The following B4GALT4 variants were observed in gnomAD, a reference collection of about 807,000 sequenced individuals.
B4GALT4 encodes beta-1,4-galactosyltransferase 4, also known as N-acetyllactosamine synthase.
Under a neutral mutation model 37.3 loss-of-function variants are expected in B4GALT4, and 27 were observed. The ratio of observed to expected loss-of-function variants is 0.72; its 90% CI spans 0.53 to 1.00. B4GALT4 has a LOEUF of 1.00. B4GALT4 is among the 50% of genes least tolerant of loss of function. B4GALT4 has a pLI of 0.00. For missense variants in B4GALT4, 372 were observed against 413.1 expected (o/e 0.90, Z 0.86); for synonymous variants, 148 against 154.1 (o/e 0.96, Z 0.29).
Position 119,226,976 on chromosome 3 carries a change from T to G in B4GALT4, c.319A>C (p.Lys107Gln). The G allele has an allele frequency of 6.2e-7, 1 of 1,614,204 alleles. No individual in the cohort carries two copies. The highest frequency in any genetic ancestry group is 1.1e-5 in the South Asian group (1 of 91,082). Residue 107 changes from lysine (K) to glutamine (Q), a missense_variant, in exon 4 of 8, where the codon AAA becomes CAA. Coordinates refer to ENST00000393765, the MANE Select transcript of B4GALT4 (RefSeq NM_003778.4). Reference sequence around the variant, plus strand: ...GGGCGATACCGGCCTCTGGACACTTTGGGATTTTCTGCCTGTACCTCTTCC... The same window carrying G: ...GGGCGATACCGGCCTCTGGACACTTGGGGATTTTCTGCCTGTACCTCTTCC... Reference protein sequence around the residue: ...TLEEVQAENPKVSRGRYRPQE... With the variant: ...TLEEVQAENPQVSRGRYRPQE...
In B4GALT4 at chr3:119,212,456, G is replaced by T; in HGVS notation, c.*93C>A. 1 of 1,294,214 alleles carries T rather than the reference G, an allele frequency of 7.7e-7. No homozygotes were observed. Among genetic ancestry groups the T allele is most frequent in the Non-Finnish European group, 1.1e-6 (1 of 937,168 alleles). The allele number at this position is 1,294,214 out of a possible 1,614,324, so 80.2% of individuals were successfully genotyped here. On this transcript the variant is annotated 3_prime_UTR_variant, in exon 8 of 8. Transcript: ENST00000393765. ...TTCAGCTCAACAATGAGCTGTAACA[G>T]GTTCTTAATGTGTGCTACTATTTGA...
intron 7 of B4GALT4, 137 bp from the exon 8 acceptor site, chr3:119,212,818 G>T: frequency 1.1e-6 from 1 of 870,860 alleles, no homozygotes; most frequent in Non-Finnish European, 1.7e-6. Flanking sequence ...TACAAAGTTT[G>T]TTTGCCCCAT....
Position 119,216,098 on chromosome 3 carries a change from C to A in B4GALT4, c.902+142G>T, listed in dbSNP as rs980913332. The A allele has an allele frequency of 5.4e-6, 3 of 554,314 alleles. No homozygotes were observed. The African/African-American group carries it at 5.8e-5, about 11-fold the overall frequency. The allele number at this position is 554,314 out of a possible 1,614,324, so 34.3% of individuals were successfully genotyped here. Reference sequence around the variant, plus strand: ...AGGGTTCAGTGCACCACTTTCTCTCCTTTTGTGTCTGTTTGAAAATTTGCT... The same window carrying A: ...AGGGTTCAGTGCACCACTTTCTCTCATTTTGTGTCTGTTTGAAAATTTGCT... On this transcript the variant is annotated intron_variant, in intron 7 of 7. Transcript: ENST00000393765.
chr3:119,218,735 G>T lies in B4GALT4; in HGVS notation c.712C>A (p.Leu238Ile). 2 of 1,614,126 alleles carry T rather than the reference G, an allele frequency of 1.2e-6. No homozygotes were observed. Among genetic ancestry groups the T allele is most frequent in the Non-Finnish European group, 1.7e-6 (2 of 1,179,998 alleles). ...YSGYFGGVTA[L>I]SREQFFKVNG... ...ACCTTGAAAAACTGCTCTCTGCTTA[G>T]GGCAGTAACACCCCCAAAATATCCA... The change falls in exon 6 of 8, where the codon CTA becomes ATA. Residue 238 changes from leucine (L) to isoleucine (I), a missense_variant. Coordinates refer to ENST00000393765, the MANE Select transcript of B4GALT4 (RefSeq NM_003778.4).
chr3:119,226,591 C>T, intron 4 of B4GALT4: 1 of 555,690 alleles, frequency 1.8e-6, no homozygotes, highest in Non-Finnish European at 3.2e-6. Flanking sequence ...CCAGAGGTTC[C>T]TTTAAGGGCA....
Position 119,218,749 on chromosome 3 carries a change from C to G in B4GALT4, c.698G>C (p.Gly233Ala). ...CTCTCTGCTTAGGGCAGTAACACCCCCAAAATATCCACTGTAACGTAACCT... is the reference window on the plus strand; with the variant it reads ...CTCTCTGCTTAGGGCAGTAACACCCGCAAAATATCCACTGTAACGTAACCT... ...GYRLRYSGYF[G>A]GVTALSREQF... Residue 233 changes from glycine (G) to alanine (A), a missense_variant, in exon 6 of 8, where the codon GGG becomes GCG. Gly to Ala is a moderately conservative substitution (Grantham distance 60, BLOSUM62 0). Transcript: ENST00000393765. 1 of 1,614,086 alleles carries G rather than the reference C, an allele frequency of 6.2e-7. No individual in the cohort carries two copies. The highest frequency in any genetic ancestry group is 8.5e-7 in the Non-Finnish European group (1 of 1,179,986).
chr3:119,227,134 C>T (rs1476101853), intron 3 of B4GALT4, 93 bp from the exon 4 acceptor site: 6 of 1,069,128 alleles, frequency 5.6e-6, no homozygotes, highest in Non-Finnish European at 6.9e-6. Context: ...GAACACTGCC[C>T]AGCTCACAGT....
At chr3:119,228,603 A>G (rs959447281) in intron 3 of B4GALT4, among the ~76,000 whole-genome samples, 1 of 152,246 alleles carries the variant, frequency 6.6e-6, no homozygotes, top group South Asian at 2.1e-4. Flanking sequence ...ACAATCAGGA[A>G]TAACACTTTG....
At chr3:119,230,637 C>A (rs564857222) in intron 2 of B4GALT4, among the ~76,000 whole-genome samples, 9 of 152,116 alleles carry the variant, frequency 5.9e-5, no homozygotes, top group Non-Finnish European at 1.3e-4. Flanking sequence ...AAATGTGAAG[C>A]CTTGTTACAG....
chr3:119,221,584 C>T (rs1193611923), intron 5 of B4GALT4, among the ~76,000 whole-genome samples: 4 of 152,152 alleles, frequency 2.6e-5, no homozygotes, highest in African/African-American at 4.8e-5. Flanking sequence ...CTTATACATA[C>T]CTCTCTCCAG....
chr3:119,224,580 T>C (rs755142684), intron 4 of B4GALT4, among the ~76,000 whole-genome samples: 10 of 152,248 alleles, frequency 6.6e-5, no homozygotes, highest in Non-Finnish European at 1.2e-4. Context: ...AACCAATATA[T>C]TGCATAATTA....
At chr3:119,217,425 C>G (rs763390405) in intron 6 of B4GALT4, among the ~76,000 whole-genome samples, 12 of 152,160 alleles carry the variant, frequency 7.9e-5, no homozygotes, top group Non-Finnish European at 1.5e-4. Flanking sequence ...TAGAAACATT[C>G]CAGAGGCTCT....
intron 1 of B4GALT4, among the ~76,000 whole-genome samples, chr3:119,238,831 T>C (rs1174630884): frequency 6.6e-6 from 1 of 152,202 alleles, no homozygotes; most frequent in Non-Finnish European, 1.5e-5. Flanking sequence ...ATTATAACTT[T>C]TAGTTACATA....
At chr3:119,229,744 A>T in intron 3 of B4GALT4, 103 bp downstream of exon 3, 2 of 1,220,994 alleles carry the variant, frequency 1.6e-6, no homozygotes, top group Non-Finnish European at 2.3e-6. Flanking sequence ...GGAGATATAT[A>T]TATTTATGGG....
chr3:119,230,175 T>A lies in B4GALT4; in HGVS notation c.-76A>T. On this transcript the variant is annotated 5_prime_UTR_variant, in exon 3 of 8. Transcript: ENST00000393765. ...AAAGCTTCAAGTTGAGCTTTTCCAA[T>A]CTGATTGCGAACTTGATGACAACTG... The A allele has an allele frequency of 1.9e-6, 3 of 1,553,408 alleles. No individual in the cohort carries two copies. Among genetic ancestry groups the A allele is most frequent in the Non-Finnish European group, 2.6e-6 (3 of 1,143,692 alleles).
intron 4 of B4GALT4, chr3:119,226,389 A>G (rs545071135): frequency 1.2e-5 from 2 of 173,720 alleles, no homozygotes; most frequent in African/African-American, 4.8e-5. Flanking sequence ...AGCTACTAAT[A>G]CAGAATGTTC....
intron 1 of B4GALT4, among the ~76,000 whole-genome samples, chr3:119,237,469 A>C (rs2079018309): frequency 6.6e-6 from 1 of 152,242 alleles, no homozygotes; most frequent in African/African-American, 2.4e-5. Context: ...TCAAATACAT[A>C]AAGGAATGTG....
chr3:119,221,266 T>C (rs2078442512), intron 5 of B4GALT4, among the ~76,000 whole-genome samples: 1 of 152,178 alleles, frequency 6.6e-6, no homozygotes, highest in Non-Finnish European at 1.5e-5. Context: ...TCATCACTGA[T>C]CCCATAGGCA....
Position 119,226,813 on chromosome 3 carries a change from T to A in B4GALT4, c.482A>T (p.His161Leu). ...CTGGTCTGCCCCCACGCTCACCTGG[T>A]GGATGACGTAGATGCCATAATCCAG... is the stretch of plus-strand genomic sequence containing the variant. ...QQLDYGIYVI[H>L]QAEGKKFNRA... Residue 161 changes from histidine (H) to leucine (L), a missense_variant, in exon 4 of 8, where the codon CAC (histidine) becomes CTC (leucine). By Grantham distance (99) the His-to-Leu change is moderately conservative. Coordinates refer to ENST00000393765, the MANE Select transcript of B4GALT4 (RefSeq NM_003778.4). 1 of 1,613,066 alleles carries A rather than the reference T, an allele frequency of 6.2e-7. No homozygotes were observed. Among genetic ancestry groups the A allele is most frequent in the Non-Finnish European group, 8.5e-7 (1 of 1,179,792 alleles).
Sources: gnomAD v4.1 joint callset for allele counts (sites outside exome capture counted in the v4.1 genomes callset) on GRCh38, gnomAD v4.1.1 for gene constraint, MANE v1.5 for transcripts, NCBI Gene and HGNC (gene_info 2026-07-23, HGNC 2026-07-21) for gene names.